COL15A1: variants seen among roughly 807,000 people sequenced by gnomAD.
COL15A1 encodes the protein collagen type XV alpha 1 chain.
A neutral mutation model predicts 165.9 loss-of-function variants in COL15A1; 111 were observed. That is an observed-to-expected ratio of 0.67 (90% CI 0.57 to 0.78). The LOEUF is 0.78. Among genes scored for constraint, COL15A1 ranks in the 30% least tolerant of loss-of-function variants. The pLI is 0.00. For synonymous variants in COL15A1, 659 were observed against 674.8 expected (o/e 0.98, Z 0.36); for missense variants, 1,745 against 1,789.7 (o/e 0.98, Z 0.45).
At chr9:99,023,248 G>T in intron 13 of COL15A1, 109 bp from the exon 14 acceptor site, 2 of 1,355,054 alleles carry the variant, frequency 1.5e-6, no homozygotes, top group Non-Finnish European at 2.0e-6. Flanking sequence ...AAGTTATCGG[G>T]CTATAGGATA....
rs372695372 is a variant in COL15A1, at chr9:99,037,190, C to A, written c.2409+794C>A. Among the ~76,000 whole-genome samples the A allele has an allele frequency of 1.4e-3, 214 of 152,348 alleles. 1 individual carries two copies. The highest frequency in any genetic ancestry group is 4.7e-3 in the African/African-American group (195 of 41,578). On this transcript the variant is annotated intron_variant, in intron 21 of 41. Coordinates refer to ENST00000375001, the MANE Select transcript of COL15A1 (RefSeq NM_001855.5). ...GAAGGCAGTAACTTCATCCTTCAAA[C>A]CCCCATCATGGTACAGCAAGTGGCC... is the stretch of plus-strand genomic sequence containing the variant.
intron 2 of COL15A1, among the ~76,000 whole-genome samples, chr9:98,965,430 C>T (rs1837940226): frequency 6.6e-6 from 1 of 152,326 alleles, no homozygotes; most frequent in African/African-American, 2.4e-5. Flanking sequence ...AGCCACAGTC[C>T]CCACCCCATC....
intron 11 of COL15A1, 74 bp from the exon 12 acceptor site, chr9:99,020,315 A>C: frequency 1.9e-6 from 2 of 1,045,692 alleles, no homozygotes; most frequent in Non-Finnish European, 3.0e-6. Context: ...GGACCAGGGA[A>C]TGTCATCGGA....
chr9:98,953,028 T>C (rs1387479144), intron 2 of COL15A1, among the ~76,000 whole-genome samples: 1 of 152,220 alleles, frequency 6.6e-6, no homozygotes, highest in African/African-American at 2.4e-5. Context: ...GCTTATTCCA[T>C]AATTTCTGCA....
rs1448015564 is a variant in COL15A1, at chr9:98,985,984, A to G, written c.520A>G (p.Thr174Ala). 2 of 1,613,326 alleles carry G rather than the reference A, an allele frequency of 1.2e-6. No individual in the cohort carries two copies. The highest frequency in any genetic ancestry group is 3.3e-5 in the Admixed American group (2 of 59,938). The change falls in exon 3 of 42, where the codon ACC (threonine) becomes GCC (alanine). Residue 174 changes from threonine to alanine, a missense_variant. Coordinates refer to ENST00000375001, the MANE Select transcript of COL15A1 (RefSeq NM_001855.5). ...CATGATTGTCCAGGGTGAGGAAGTG[A>G]CCCTCCTCGTGAACTGTGAGGAGCA... ...FAMIVQGEEVTLLVNCEEHSR... is the reference protein window; with the variant it reads ...FAMIVQGEEVALLVNCEEHSR...
At chr9:99,052,496 C>A in intron 31 of COL15A1, 63 bp downstream of exon 31, 1 of 1,375,238 alleles carries the variant, frequency 7.3e-7, no homozygotes, top group Non-Finnish European at 1.0e-6. Flanking sequence ...GATGGTTTTC[C>A]TTTGCCCAGT....
In COL15A1 at chr9:99,054,559, T is replaced by C; in HGVS notation, c.2951-17T>C. Reference sequence around the variant, plus strand: ...TGATTTTCCATTTTTTTTTAACATGTATGTGTTTGGTGGCAGGTGTTAAAG... The same window carrying C: ...TGATTTTCCATTTTTTTTTAACATGCATGTGTTTGGTGGCAGGTGTTAAAG... On this transcript the variant is annotated splice_polypyrimidine_tract_variant and intron_variant, in intron 31 of 41. Transcript: ENST00000375001. 1 of 1,595,212 alleles carries C rather than the reference T, an allele frequency of 6.3e-7. No individual in the cohort carries two copies. The highest frequency in any genetic ancestry group is 1.1e-5 in the South Asian group (1 of 87,526).
chr9:98,993,370 T>A (rs995723689), intron 5 of COL15A1, among the ~76,000 whole-genome samples: 1 of 152,192 alleles, frequency 6.6e-6, no homozygotes, highest in Non-Finnish European at 1.5e-5. Flanking sequence ...GGTTGGCCAG[T>A]GGCTTGGGCT....
In COL15A1 at chr9:98,985,771, C is replaced by G; in HGVS notation, c.307C>G (p.Arg103Gly). ...ISVVVKPSST[R>G]GGVLFAITDA... The stretch of plus-strand genomic sequence containing the variant: ...CGTCGTGGTGAAGCCCAGCAGCACC[C>G]GTGGTGGCGTGCTCTTCGCCATCAC... Residue 103 changes from arginine (R) to glycine (G), a missense_variant, in exon 3 of 42, where the codon CGT becomes GGT. Physicochemically the swap from Arg to Gly is moderately radical, Grantham distance 125. Transcript: ENST00000375001. 6.2e-7 allele frequency: 1 copy of G among 1,614,076 alleles called. No homozygotes were observed. Among genetic ancestry groups the G allele is most frequent in the Non-Finnish European group, 8.5e-7 (1 of 1,180,012 alleles).
chr9:99,040,595 G>T, intron 23 of COL15A1, 39 bp downstream of exon 23: 1 of 1,614,144 alleles, frequency 6.2e-7, no homozygotes, highest in Non-Finnish European at 8.5e-7. Context: ...TGTGCCCCGT[G>T]GCTGCGATCA....
intron 14 of COL15A1, among the ~76,000 whole-genome samples, chr9:99,024,132 G>GTTC (rs1189704022): frequency 6.6e-6 from 1 of 152,160 alleles, no homozygotes; most frequent in Non-Finnish European, 1.5e-5. Flanking sequence ...GGCTAGAAGG[G>GTTC]TTCTGGACTC....
chr9:98,958,029 C>A (rs2118785360), intron 2 of COL15A1, among the ~76,000 whole-genome samples: 1 of 152,316 alleles, frequency 6.6e-6, no homozygotes, highest in East Asian at 1.9e-4. Context: ...GAAGTAATAA[C>A]CCAGTGGAAC....
intron 21 of COL15A1, among the ~76,000 whole-genome samples, chr9:99,038,025 G>T (rs545896664): frequency 1.1e-4 from 17 of 152,150 alleles, no homozygotes; most frequent in Admixed American, 5.9e-4. Context: ...AAAAATCCTG[G>T]CCCTTTAGAG....
At chr9:99,068,722 G>T in intron 41 of COL15A1, 52 bp downstream of exon 41, 1 of 1,086,292 alleles carries the variant, frequency 9.2e-7, no homozygotes, top group Non-Finnish European at 1.3e-6. Flanking sequence ...GTTTTAGGGG[G>T]CATCCTAACA....
Position 99,069,905 on chromosome 9 carries a change from TAA to T in COL15A1, c.*21_*22del, listed in dbSNP as rs1420940727. On this transcript the variant is annotated 3_prime_UTR_variant, in exon 42 of 42. Transcript: ENST00000375001. Reference sequence around the variant, plus strand: ...GAAGTAATGGCCTTCTGATGATTCTTAAAGAGTTTTCAATTTTTTCTTATGTG... The same window carrying T: ...GAAGTAATGGCCTTCTGATGATTCTTAGAGTTTTCAATTTTTTCTTATGTG... The T allele has an allele frequency of 2.5e-6, 4 of 1,571,550 alleles. No individual in the cohort carries two copies. The East Asian group carries it at 6.8e-5, about 27-fold the overall frequency.
intron 10 of COL15A1, 105 bp from the exon 11 acceptor site, chr9:99,015,871 A>G (rs763594550): frequency 2.7e-4 from 366 of 1,361,716 alleles, no homozygotes; most frequent in Non-Finnish European, 3.5e-4. Flanking sequence ...CGTAGGTAAG[A>G]ACGTGCTTTG....
In COL15A1 at chr9:99,069,759, C is replaced by A. The variant is rs2118032092; in HGVS notation, c.4040C>A (p.Thr1347Lys). 1 of 1,614,244 alleles carries A rather than the reference C, an allele frequency of 6.2e-7. No individual in the cohort carries two copies. Residue 1347 changes from threonine (T) to lysine (K), a missense_variant, in exon 42 of 42, where the codon ACA (threonine) becomes AAA (lysine). Coordinates refer to ENST00000375001, the MANE Select transcript of COL15A1 (RefSeq NM_001855.5). ...NYCEAWRTAD[T>K]AVTGLASPLS... ...TGTGAAGCATGGCGAACCGCGGACA[C>A]AGCGGTCACGGGACTTGCCTCCCCG... is the stretch of plus-strand genomic sequence containing the variant.
chr9:98,988,520 A>G (rs1159126597), intron 4 of COL15A1, among the ~76,000 whole-genome samples: 1 of 152,230 alleles, frequency 6.6e-6, no homozygotes, highest in Non-Finnish European at 1.5e-5. Flanking sequence ...ACAGCCTCAC[A>G]AAGGTTGGGA....
chr9:99,043,557 T>G (rs1425018488), intron 24 of COL15A1, among the ~76,000 whole-genome samples: 1 of 152,130 alleles, frequency 6.6e-6, no homozygotes. Context: ...CCTCTAATGC[T>G]TTTGTGCTTG....
Sources: gnomAD v4.1 joint callset for allele counts (sites outside exome capture counted in the v4.1 genomes callset) on GRCh38, gnomAD v4.1.1 for gene constraint, MANE v1.5 for transcripts, NCBI Gene and HGNC (gene_info 2026-07-23, HGNC 2026-07-21) for gene names.